Variants in LLGL2 observed in about 807,000 individuals in gnomAD.
The protein encoded by LLGL2 is LLGL scribble cell polarity complex component 2.
Under a neutral mutation model 123.2 loss-of-function variants are expected in LLGL2, and 81 were observed. The observed-to-expected ratio is 0.66, with a 90% confidence interval of 0.55 to 0.79. The LOEUF is 0.79. Among genes scored for constraint, LLGL2 ranks in the 30% least tolerant of loss-of-function variants. LLGL2 has a pLI of 0.00. For synonymous variants in LLGL2, 577 were observed against 594.1 expected (o/e 0.97, Z 0.42); for missense variants, 1,273 against 1,414.6 (o/e 0.90, Z 1.61).
At chr17:75,534,028 G>T (rs955363790) in intron 1 of LLGL2, among the ~76,000 whole-genome samples, 7 of 152,188 alleles carry the variant, frequency 4.6e-5, no homozygotes, top group African/African-American at 1.7e-4. Context: ...GGGCAGGTAG[G>T]AGGCCCTAGA....
intron 1 of LLGL2, among the ~76,000 whole-genome samples, chr17:75,536,243 G>A (rs767542225): frequency 2.6e-5 from 4 of 152,168 alleles, no homozygotes; most frequent in Non-Finnish European, 4.4e-5. Flanking sequence ...ACCATTTCTG[G>A]TGTTAGACTT....
Position 75,558,075 on chromosome 17 carries a change from A to G in LLGL2, c.174-80A>G, listed in dbSNP as rs774503393. The G allele has an allele frequency of 4.1e-5, 54 of 1,331,096 alleles. No homozygotes were observed. The South Asian group carries it at 4.7e-4, about 12-fold the overall frequency. 82.5% of individuals were successfully genotyped at this position (1,331,096 alleles called of 1,614,324 possible). A position where few individuals can be genotyped will look rare whatever the true frequency, so the allele number is the denominator to read the frequency against. ...CCTCTCTGTGTTTGCATCATTGCAC[A>G]TGGGCCCCGAGGGCCTGGCACTCAA... On this transcript the variant is annotated intron_variant, in intron 3 of 25. Transcript: ENST00000392550. This position sits in a 1 kb window ranked among gnomAD's most constrained non-coding sequence, Gnocchi z 4.0.
At chr17:75,533,234 C>T (rs555451854) in intron 1 of LLGL2, among the ~76,000 whole-genome samples, 1 of 149,632 alleles carries the variant, frequency 6.7e-6, no homozygotes, top group African/African-American at 2.5e-5. Flanking sequence ...CTCCTGACCT[C>T]GTGATCTGCC....
In LLGL2 at chr17:75,571,682, C is replaced by G. The variant is rs1351282271; in HGVS notation, c.2192C>G (p.Pro731Arg). Residue 731 changes from proline to arginine, a missense_variant, in exon 18 of 26, where the codon CCC (proline) becomes CGC (arginine). Transcript: ENST00000392550. ...TTCTCGGCAGGCTCCCGGCACTGCC[C>G]CTCGCTGTGGGCTGGCACCAATGGG... is the stretch of plus-strand genomic sequence containing the variant. ...TYLKDSSRHC[P>R]SLWAGTNGGT... 5 of 1,608,818 alleles carry G rather than the reference C, an allele frequency of 3.1e-6. No homozygotes were observed. The highest frequency in any genetic ancestry group is 1.1e-5 in the South Asian group (1 of 91,064).
intron 2 of LLGL2, among the ~76,000 whole-genome samples, chr17:75,550,984 A>C (rs1598567527): frequency 6.6e-6 from 1 of 152,188 alleles, no homozygotes; most frequent in African/African-American, 2.4e-5. Context: ...TGTTCCCAAC[A>C]AGATCCCTTG....
intron 1 of LLGL2, among the ~76,000 whole-genome samples, chr17:75,527,708 C>G (rs895421659): frequency 6.6e-6 from 1 of 151,906 alleles, no homozygotes; most frequent in Non-Finnish European, 1.5e-5. Flanking sequence ...CTCAAGTGAC[C>G]CTCACACTTC....
intron 3 of LLGL2, chr17:75,557,665 G>C (rs923983131): frequency 2.4e-5 from 7 of 288,910 alleles, no homozygotes; most frequent in South Asian, 1.9e-4. Flanking sequence ...GTGTACACAG[G>C]GGGCCAGGGC....
chr17:75,553,588 C>T (rs1274721998), intron 2 of LLGL2, among the ~76,000 whole-genome samples: 1 of 152,148 alleles, frequency 6.6e-6, no homozygotes, highest in African/African-American at 2.4e-5. Flanking sequence ...ATTGTTGGGA[C>T]CTTTTTCTGC....
intron 1 of LLGL2, among the ~76,000 whole-genome samples, chr17:75,531,299 G>A (rs532538591): frequency 1.2e-4 from 19 of 152,328 alleles, no homozygotes; most frequent in South Asian, 2.1e-4. Context: ...GGAGATCTGC[G>A]CATCTCTGGC....
chr17:75,563,930 G>A, intron 9 of LLGL2, 124 bp downstream of exon 9: 4 of 939,572 alleles, frequency 4.3e-6, no homozygotes, highest in Non-Finnish European at 5.1e-6. Flanking sequence ...TTGGGGTCTT[G>A]GACACCAGGG....
chr17:75,575,172 G>C lies in LLGL2; in HGVS notation c.*294G>C, dbSNP rs1421482526. Reference sequence around the variant, plus strand: ...AAGTTATAAATGTTAACTGCCTCTGGGTGAAAAAGTTTTTAATAAACACCT... The same window carrying C: ...AAGTTATAAATGTTAACTGCCTCTGCGTGAAAAAGTTTTTAATAAACACCT... On this transcript the variant is annotated 3_prime_UTR_variant, in exon 26 of 26. Coordinates refer to ENST00000392550, the MANE Select transcript of LLGL2 (RefSeq NM_001031803.2). The C allele has an allele frequency of 1.8e-6, 1 of 554,202 alleles. No individual in the cohort carries two copies. The highest frequency in any genetic ancestry group is 4.8e-4 in the Middle Eastern group (1 of 2,096). 34.3% of individuals were successfully genotyped at this position (554,202 alleles called of 1,614,324 possible). A position where few individuals can be genotyped will look rare whatever the true frequency, so the allele number is the denominator to read the frequency against.
intron 1 of LLGL2, among the ~76,000 whole-genome samples, chr17:75,538,915 AAG>A (rs1360236537): frequency 1.8e-5 from 2 of 110,562 alleles, no homozygotes; most frequent in African/African-American, 8.6e-5. Flanking sequence ...TTTTAGAAAC[AAG>A]AGTCTCGCTC....
chr17:75,574,377 G>A (rs536882677), intron 23 of LLGL2, 76 bp from the exon 24 acceptor site: 26 of 1,538,394 alleles, frequency 1.7e-5, no homozygotes, highest in South Asian at 1.4e-4. Flanking sequence ...GGGCACCCAC[G>A]GAGAAAGGGG....
At chr17:75,534,190 G>A (rs1402464289) in intron 1 of LLGL2, among the ~76,000 whole-genome samples, 1 of 152,266 alleles carries the variant, frequency 6.6e-6, no homozygotes, top group Non-Finnish European at 1.5e-5. Flanking sequence ...ATTATGAAAG[G>A]GGGCTAAGGC....
intron 14 of LLGL2, 136 bp from the exon 15 acceptor site, chr17:75,569,827 G>T: frequency 6.0e-6 from 5 of 835,998 alleles, no homozygotes; most frequent in Non-Finnish European, 9.0e-6. Context: ...AAATGCAGGA[G>T]AGCTGGGGTT....
rs767047115 is a variant in LLGL2 at position 75,564,496 on chromosome 17, A to G, written c.1025A>G (p.Asp342Gly). 7 of 1,612,262 alleles carry G rather than the reference A, an allele frequency of 4.3e-6. No homozygotes were observed. Among genetic ancestry groups the G allele is most frequent in the Non-Finnish European group, 5.9e-6 (7 of 1,179,898 alleles). ...VIGFTVLTEA[D>G]PAATFDDPYA... ...GGCTTCACTGTCCTCACAGAGGCAG[A>G]CCCTGCAGCCAGTAGGAGAGCTTCG... is the stretch of plus-strand genomic sequence containing the variant. The change falls in exon 10 of 26, where the codon GAC becomes GGC. Residue 342 changes from aspartate to glycine, a missense_variant. Coordinates refer to ENST00000392550, the MANE Select transcript of LLGL2 (RefSeq NM_001031803.2). The surrounding 1 kb of genome is among the most constrained non-coding windows in gnomAD (Gnocchi z 4.9).
chr17:75,530,683 G>A (rs1224284519), intron 1 of LLGL2, among the ~76,000 whole-genome samples: 5 of 151,792 alleles, frequency 3.3e-5, no homozygotes, highest in African/African-American at 2.4e-5. Flanking sequence ...GGGCATCGTG[G>A]TGTGCACCTG....
At chr17:75,542,354 C>T (rs1488690011) in intron 1 of LLGL2, among the ~76,000 whole-genome samples, 1 of 152,070 alleles carries the variant, frequency 6.6e-6, no homozygotes, top group East Asian at 1.9e-4. Context: ...CTGCCTGGAG[C>T]ACGCGCCTCC....
chr17:75,530,600 A>G (rs768419209), intron 1 of LLGL2, among the ~76,000 whole-genome samples: 3 of 150,792 alleles, frequency 2.0e-5, no homozygotes, highest in Non-Finnish European at 4.4e-5. Context: ...CAGTGAGCCG[A>G]GATCGCGCCA....
Sources: gnomAD v4.1 joint callset for allele counts (sites outside exome capture counted in the v4.1 genomes callset) on GRCh38, gnomAD v4.1.1 for gene constraint, Gnocchi (gnomAD v3.1) non-coding constraint, MANE v1.5 for transcripts, NCBI Gene and HGNC (gene_info 2026-07-23, HGNC 2026-07-21) for gene names.